Variants in RFX4 observed in about 807,000 individuals in gnomAD.
RFX4 encodes the protein regulatory factor X4, also known as transcription factor RFX4.
A neutral mutation model predicts 95.0 loss-of-function variants in RFX4; 10 were observed. That is an observed-to-expected ratio of 0.11 (90% CI 0.06 to 0.18). The LOEUF (loss-of-function observed/expected upper bound fraction) is 0.18. RFX4 is among the 10% of genes least tolerant of loss of function. RFX4 has a pLI of 1.00. For synonymous variants in RFX4, 321 were observed against 340.7 expected (o/e 0.94, Z 0.64); for missense variants, 640 against 922.0 (o/e 0.69, Z 3.96).
At chr12:106,685,734 CTG>C (rs1201062851) in intron 5 of RFX4, among the ~76,000 whole-genome samples, 1 of 152,200 alleles carries the variant, frequency 6.6e-6, no homozygotes, top group Non-Finnish European at 1.5e-5. Context: ...AAAGACCTGT[CTG>C]TGTTCAAGAA....
chr12:106,586,120 C>T lies in RFX4; in HGVS notation c.43+2757C>T, dbSNP rs1327848122. 6.6e-6 allele frequency: 1 copy of T among 152,248 alleles called. No homozygotes were observed. Among genetic ancestry groups the T allele is most frequent in the Non-Finnish European group, 1.5e-5 (1 of 68,040 alleles). The allele number at this position is 152,248 out of a possible 1,614,324, so 9.4% of individuals were successfully genotyped here. On this transcript the variant is annotated intron_variant, in intron 1 of 17. Transcript: ENST00000392842. The surrounding 1 kb of genome is among the most constrained non-coding windows in gnomAD (Gnocchi z 5.6). ...CCGAGCCCGACAAAGCAAAGCCCCT[C>T]TCGGAGGCAAAGCCCCAGCTTGCCG... is the stretch of plus-strand genomic sequence containing the variant.
At chr12:106,632,299 G>T (rs1423649933) in intron 2 of RFX4, among the ~76,000 whole-genome samples, 1 of 152,070 alleles carries the variant, frequency 6.6e-6, no homozygotes, top group African/African-American at 2.4e-5. Flanking sequence ...TTTTTTTAAA[G>T]CAGACCACTG....
intron 15 of RFX4, among the ~76,000 whole-genome samples, chr12:106,746,097 C>G (rs1217274815): frequency 6.6e-6 from 1 of 152,082 alleles, no homozygotes; most frequent in Non-Finnish European, 1.5e-5. Flanking sequence ...GTGGCTCACG[C>G]CTGTAATCCC....
intron 10 of RFX4, among the ~76,000 whole-genome samples, chr12:106,712,100 C>T (rs2042201926): frequency 6.6e-6 from 1 of 152,220 alleles, no homozygotes; most frequent in Admixed American, 6.5e-5. Flanking sequence ...GTTAAGGCAA[C>T]CGATTAACAT....
chr12:106,730,053 G>A (rs1386505062), intron 13 of RFX4, among the ~76,000 whole-genome samples: 1 of 152,146 alleles, frequency 6.6e-6, no homozygotes, highest in Non-Finnish European at 1.5e-5. Context: ...CCTTGGCCTT[G>A]AGCTCTGTGG....
intron 7 of RFX4, among the ~76,000 whole-genome samples, chr12:106,690,117 C>T (rs558549580): frequency 7.2e-4 from 109 of 152,210 alleles, no homozygotes; most frequent in Non-Finnish European, 1.3e-3. Context: ...GATATAAAAA[C>T]GATGTCAGGT....
intron 8 of RFX4, among the ~76,000 whole-genome samples, chr12:106,696,949 C>T (rs2041891433): frequency 6.6e-6 from 1 of 152,172 alleles, no homozygotes; most frequent in African/African-American, 2.4e-5. Flanking sequence ...CTGCCTTCTG[C>T]TGGGGCCAGA....
intron 4 of RFX4, among the ~76,000 whole-genome samples, chr12:106,671,517 C>T (rs1408560753): frequency 6.6e-6 from 1 of 152,010 alleles, no homozygotes; most frequent in Non-Finnish European, 1.5e-5. Context: ...AAGAAGATGA[C>T]AGGTAGAAGA....
At chr12:106,639,678 C>A (rs1444020233) in intron 3 of RFX4, among the ~76,000 whole-genome samples, 3 of 152,094 alleles carry the variant, frequency 2.0e-5, no homozygotes, top group Non-Finnish European at 4.4e-5. Context: ...TTAATAGAAT[C>A]CATTATTACA....
chr12:106,692,210 C>T (rs1214621611), intron 7 of RFX4, among the ~76,000 whole-genome samples: 1 of 151,902 alleles, frequency 6.6e-6, no homozygotes, highest in East Asian at 1.9e-4. Context: ...AACGTCTTCT[C>T]CAGACTACAT....
chr12:106,728,685 A>G (rs1477363708), intron 13 of RFX4, among the ~76,000 whole-genome samples: 2 of 152,106 alleles, frequency 1.3e-5, no homozygotes, highest in South Asian at 2.1e-4. Context: ...GTCTTTCTGT[A>G]TCTCCTTTTC....
chr12:106,709,430 T>C lies in RFX4; in HGVS notation c.934T>C (p.Leu312=), dbSNP rs777040310. The C allele has an allele frequency of 1.2e-6, 2 of 1,609,964 alleles. No homozygotes were observed. The highest frequency in any genetic ancestry group is 2.7e-5 in the African/African-American group (2 of 74,666). ...PENLRNIKFE[L]SRRFSQILRR... is the part of the protein sequence containing the mutation. ...AAACTTGCGAAACATCAAGTTCGAA[T>C]GTAAGTACTGAGTTGAGAGCGGGAT... Residue 312 remains leucine, a splice_region_variant and synonymous_variant, in exon 9 of 18, where the codon TTG becomes CTG. Coordinates refer to ENST00000392842, the MANE Select transcript of RFX4 (RefSeq NM_213594.3).
chr12:106,607,577 T>C, intron 1 of RFX4, among the ~76,000 whole-genome samples: 1 of 52,084 alleles, frequency 1.9e-5, no homozygotes, highest in South Asian at 8.7e-4. Flanking sequence ...GGGGGTGGGG[T>C]GGGGGGGGCG....
chr12:106,692,026 G>A (rs1042982848), intron 7 of RFX4, among the ~76,000 whole-genome samples: 17 of 152,086 alleles, frequency 1.1e-4, no homozygotes, highest in South Asian at 1.0e-3. Context: ...ACGTGGTGGC[G>A]CGTGCCTGTA....
At chr12:106,744,765 C>T (rs563378104) in intron 15 of RFX4, among the ~76,000 whole-genome samples, 2 of 152,300 alleles carry the variant, frequency 1.3e-5, no homozygotes, top group South Asian at 4.1e-4. Flanking sequence ...CACAGCCCGA[C>T]TGAACCACCC....
rs139910159 is a variant in RFX4, at chr12:106,598,207, A to C, written c.44-10590A>C. 2.8e-4 allele frequency among the ~76,000 whole-genome samples: 43 copies of C among 152,296 alleles called. No homozygotes were observed. In the East Asian group the frequency reaches 7.1e-3, roughly 25 times the overall value. On this transcript the variant is annotated intron_variant, in intron 1 of 17. Transcript: ENST00000392842. ...CACCTGGTAACTTTTCCTTCTTCTA[A>C]GTGACTCTCAGGAAATGATTCAAAA...
At chr12:106,619,410 C>T (rs1331554288) in intron 2 of RFX4, among the ~76,000 whole-genome samples, 1 of 151,534 alleles carries the variant, frequency 6.6e-6, no homozygotes, top group Admixed American at 6.6e-5. Context: ...GTTATCATTC[C>T]ACTGTCTTCT....
intron 1 of RFX4, among the ~76,000 whole-genome samples, chr12:106,587,398 G>A (rs2039475310): frequency 6.6e-6 from 1 of 152,214 alleles, no homozygotes; most frequent in African/African-American, 2.4e-5. Flanking sequence ...ACTTCAGGGG[G>A]CGGGGGGACC....
At chr12:106,679,391 G>A (rs934661771) in intron 4 of RFX4, among the ~76,000 whole-genome samples, 2 of 151,964 alleles carry the variant, frequency 1.3e-5, no homozygotes, top group Non-Finnish European at 2.9e-5. Context: ...GGAGGTGGAG[G>A]TTGCAGTGAG....
Sources: allele counts gnomAD v4.1 joint callset (sites outside exome capture counted in the v4.1 genomes callset), GRCh38; gene constraint gnomAD v4.1.1; non-coding constraint Gnocchi (gnomAD v3.1); transcripts MANE v1.5; gene names NCBI Gene and HGNC (gene_info 2026-07-23, HGNC 2026-07-21).